Variants in MAML3 observed in about 807,000 individuals in gnomAD.
MAML3 encodes mastermind-like protein 3.
Under a neutral mutation model 101.9 loss-of-function variants are expected in MAML3, and 27 were observed. The ratio of observed to expected loss-of-function variants is 0.27; its 90% CI spans 0.20 to 0.37. MAML3 has a LOEUF of 0.37. Among genes scored for constraint, MAML3 ranks in the 10% least tolerant of loss-of-function variants. The pLI is 1.00. For synonymous variants in MAML3, 501 were observed against 555.9 expected, an observed-to-expected ratio of 0.90 and a Z score of 1.39; for missense variants, 1,316 against 1,444.9, an observed-to-expected ratio of 0.91 and a Z score of 1.45.
chr4:139,964,540 CAT>C (rs1163969069), intron 1 of MAML3, among the ~76,000 whole-genome samples: 14 of 151,944 alleles, frequency 9.2e-5, no homozygotes, highest in African/African-American at 2.7e-4. Flanking sequence ...ACATTTTGCA[CAT>C]GTGTCCCATT....
At chr4:140,034,196 C>G (rs1726949636) in intron 1 of MAML3, among the ~76,000 whole-genome samples, 1 of 152,180 alleles carries the variant, frequency 6.6e-6, no homozygotes, top group Admixed American at 6.5e-5. Context: ...GTCTAGGACT[C>G]TTTATAGCTT....
intron 1 of MAML3, among the ~76,000 whole-genome samples, chr4:139,914,383 G>A (rs939045360): frequency 6.6e-6 from 1 of 152,224 alleles, no homozygotes; most frequent in African/African-American, 2.4e-5. Context: ...ACAACAGAGG[G>A]AGACAGTTAT....
At position 139,998,987 on chromosome 4, in the gene MAML3, C is replaced by T. The variant is rs554298844; in HGVS notation, c.469-108020G>A. ...CATTCTCTGCTGATGGATCTATCTGCGGGTAGAGGTGCACACTCTAAGTTC... is the reference window on the plus strand; with the variant it reads ...CATTCTCTGCTGATGGATCTATCTGTGGGTAGAGGTGCACACTCTAAGTTC... On this transcript the variant is annotated intron_variant, in intron 1 of 4. Coordinates refer to ENST00000509479, the MANE Select transcript of MAML3 (RefSeq NM_018717.5). 7.2e-5 allele frequency among the ~76,000 whole-genome samples: 11 copies of T among 152,234 alleles called. No homozygotes were observed. The East Asian group carries it at 7.7e-4, about 11-fold the overall frequency.
At chr4:140,029,283 G>A (rs555722191) in intron 1 of MAML3, among the ~76,000 whole-genome samples, 123 of 152,314 alleles carry the variant, frequency 8.1e-4, no homozygotes, top group Non-Finnish European at 1.5e-3. Context: ...TCCAGCAATG[G>A]TTCCTCCCTT....
intron 2 of MAML3, among the ~76,000 whole-genome samples, chr4:139,766,943 A>G (rs1339010115): frequency 6.6e-6 from 1 of 152,230 alleles, no homozygotes; most frequent in Non-Finnish European, 1.5e-5. Flanking sequence ...GTACCCACAC[A>G]TGAAAAACTG....
intron 1 of MAML3, among the ~76,000 whole-genome samples, chr4:140,039,167 C>T (rs1336433715): frequency 1.3e-5 from 2 of 152,052 alleles, no homozygotes; most frequent in Admixed American, 6.6e-5. Flanking sequence ...AAATTAAACA[C>T]AATGCCATAA....
rs143495381 is a variant in MAML3, at chr4:139,789,778, G to T, written c.2080-59111C>A. On this transcript the variant is annotated intron_variant, in intron 2 of 4. Coordinates refer to ENST00000509479, the MANE Select transcript of MAML3 (RefSeq NM_018717.5). ...TTAATTCAAAAGTTGTTTTTTGTTT[G>T]TTTGTTTTTGTTTTTCCAACCTCAA... 7.6e-4 allele frequency among the ~76,000 whole-genome samples: 115 copies of T among 152,170 alleles called. 3 individuals carry two copies. The East Asian group carries it at 0.017, about 22-fold the overall frequency.
intron 2 of MAML3, among the ~76,000 whole-genome samples, chr4:139,810,990 G>A (rs1283330435): frequency 3.3e-5 from 5 of 152,150 alleles, no homozygotes; most frequent in African/African-American, 4.8e-5. Context: ...GAGCACAGAC[G>A]TAAGGCCAGC....
chr4:140,084,034 G>A (rs925559627), intron 1 of MAML3, among the ~76,000 whole-genome samples: 5 of 150,722 alleles, frequency 3.3e-5, no homozygotes, highest in Non-Finnish European at 1.5e-5. Flanking sequence ...CCTGCCAGCA[G>A]AGAATGGCCA....
intron 1 of MAML3, among the ~76,000 whole-genome samples, chr4:139,926,658 G>A (rs951807158): frequency 6.6e-6 from 1 of 152,188 alleles, no homozygotes; most frequent in Non-Finnish European, 1.5e-5. Flanking sequence ...GACAATTTAT[G>A]TAATTAATTA....
At chr4:139,915,582 C>A (rs758708548) in intron 1 of MAML3, among the ~76,000 whole-genome samples, 1 of 152,154 alleles carries the variant, frequency 6.6e-6, no homozygotes, top group Non-Finnish European at 1.5e-5. Flanking sequence ...CGATTGAGAT[C>A]TACTAATGGC....
rs529918429 is a variant in MAML3, at chr4:139,828,732, T to TAAAA, written c.2079+60621_2079+60624dup. Among the ~76,000 whole-genome samples, 343 of 144,488 alleles carry TAAAA rather than the reference T, an allele frequency of 2.4e-3. 2 individuals carry two copies. Among genetic ancestry groups the TAAAA allele is most frequent in the African/African-American group, 7.3e-3 (282 of 38,854 alleles). 94.8% of individuals were successfully genotyped at this position (144,488 alleles called of 152,430 possible). A position where few individuals can be genotyped will look rare whatever the true frequency, so the allele number is the denominator to read the frequency against. The stretch of plus-strand genomic sequence containing the variant: ...CACTTCTTTTTTTTTTTTTTTTTTT[T>TAAAA]AAAAACATAGTTTTATTGTAATGAA... On this transcript the variant is annotated intron_variant, in intron 2 of 4. Coordinates refer to ENST00000509479, the MANE Select transcript of MAML3 (RefSeq NM_018717.5).
intron 1 of MAML3, among the ~76,000 whole-genome samples, chr4:140,109,781 C>T (rs907988891): frequency 3.3e-5 from 5 of 152,074 alleles, no homozygotes; most frequent in South Asian, 2.1e-4. Flanking sequence ...TCTGACAGCC[C>T]GGCAGTTATA....
intron 2 of MAML3, among the ~76,000 whole-genome samples, chr4:139,867,265 T>C (rs1417937804): frequency 1.3e-5 from 2 of 152,208 alleles, no homozygotes; most frequent in Non-Finnish European, 2.9e-5. Context: ...AATGTGTCCA[T>C]GTTTGCTTTG....
chr4:140,098,097 G>C (rs1194748900), intron 1 of MAML3, among the ~76,000 whole-genome samples: 1 of 152,162 alleles, frequency 6.6e-6, no homozygotes, highest in Non-Finnish European at 1.5e-5. Context: ...GCTCGGTCCA[G>C]GGAGTTCTTA....
chr4:139,746,162 G>A (rs1020835595), intron 2 of MAML3, among the ~76,000 whole-genome samples: 11 of 152,024 alleles, frequency 7.2e-5, no homozygotes, highest in African/African-American at 2.7e-4. Flanking sequence ...AATCACTCTC[G>A]GTCTTATTGC....
chr4:139,936,455 T>C (rs1733507623), intron 1 of MAML3, among the ~76,000 whole-genome samples: 1 of 152,236 alleles, frequency 6.6e-6, no homozygotes, highest in Non-Finnish European at 1.5e-5. Context: ...TTTAATGTTT[T>C]GAGGGACCTC....
At chr4:140,122,293 C>T (rs1347251148) in intron 1 of MAML3, among the ~76,000 whole-genome samples, 3 of 148,798 alleles carry the variant, frequency 2.0e-5, no homozygotes, top group African/African-American at 7.4e-5. Flanking sequence ...GCAATCTCGG[C>T]TCATTGCAAC....
Position 139,944,336 on chromosome 4 carries a change from C to T in MAML3, c.469-53369G>A, listed in dbSNP as rs566109170. Among the ~76,000 whole-genome samples, 618 of 152,234 alleles carry T rather than the reference C, an allele frequency of 4.1e-3. 1 individual carries two copies. Among genetic ancestry groups the T allele is most frequent in the Middle Eastern group, 0.014 (4 of 294 alleles). On this transcript the variant is annotated intron_variant, in intron 1 of 4. Coordinates refer to ENST00000509479, the MANE Select transcript of MAML3 (RefSeq NM_018717.5). Reference sequence around the variant, plus strand: ...CAATGCTATCCCTCCCCCTTCCCCCCATCCCACCACAGTCCCCAGAGTGTG... The same window carrying T: ...CAATGCTATCCCTCCCCCTTCCCCCTATCCCACCACAGTCCCCAGAGTGTG...
Sources: allele counts gnomAD v4.1 joint callset (sites outside exome capture counted in the v4.1 genomes callset), GRCh38; gene constraint gnomAD v4.1.1; transcripts MANE v1.5; gene names NCBI Gene and HGNC (gene_info 2026-07-23, HGNC 2026-07-21).